Variants in TBC1D5 observed in about 807,000 individuals in gnomAD.
TBC1D5 encodes TBC1 domain family member 5, also known as TBC1 domain family, member 5.
TBC1D5 carries 75 observed loss-of-function variants against 100.3 expected under a neutral mutation model. The ratio of observed to expected loss-of-function variants is 0.75; its 90% CI spans 0.62 to 0.91. The LOEUF (loss-of-function observed/expected upper bound fraction) is 0.91, where lower values mean the gene tolerates loss of function less well. TBC1D5 is among the 40% of genes least tolerant of loss of function. The pLI, the probability that TBC1D5 is intolerant of heterozygous loss-of-function variation, is 0.00. For missense variants in TBC1D5, 910 were observed against 942.4 expected (o/e 0.97, Z 0.45); for synonymous variants, 323 against 325.6 (o/e 0.99, Z 0.09).
chr3:17,451,600 C>A (rs1172954414), intron 3 of TBC1D5, among the ~76,000 whole-genome samples: 1 of 152,102 alleles, frequency 6.6e-6, no homozygotes. Flanking sequence ...GTGGCAATTC[C>A]TCAAGGATCT....
At chr3:17,297,007 T>C (rs1233123889) in intron 14 of TBC1D5, among the ~76,000 whole-genome samples, 1 of 152,214 alleles carries the variant, frequency 6.6e-6, no homozygotes, top group Non-Finnish European at 1.5e-5. Flanking sequence ...ACATAAGAGA[T>C]CTTTACTCAG....
chr3:17,649,721 G>T (rs971199258), intron 1 of TBC1D5, among the ~76,000 whole-genome samples: 4 of 152,116 alleles, frequency 2.6e-5, no homozygotes, highest in Non-Finnish European at 4.4e-5. Flanking sequence ...CAACCATTGT[G>T]GAAGACAGTG....
At chr3:17,604,716 T>C (rs1282217655) in intron 2 of TBC1D5, among the ~76,000 whole-genome samples, 1 of 152,216 alleles carries the variant, frequency 6.6e-6, no homozygotes, top group Admixed American at 6.5e-5. Context: ...AGTCTGGCTG[T>C]GTTGCCCAGT....
At chr3:17,591,552 T>C (rs117797023) in intron 2 of TBC1D5, among the ~76,000 whole-genome samples, 2,529 of 152,232 alleles carry the variant, frequency 0.017, 52 homozygotes, top group South Asian at 0.048. Flanking sequence ...CAAAACTTCA[T>C]TGTGGTCCTC....
At chr3:17,201,985 T>C (rs1490349616) in intron 18 of TBC1D5, among the ~76,000 whole-genome samples, 1 of 152,206 alleles carries the variant, frequency 6.6e-6, no homozygotes, top group Non-Finnish European at 1.5e-5. Flanking sequence ...TGGAACTTGG[T>C]AACAGGCAGA....
chr3:17,469,131 G>T (rs1419356112), intron 3 of TBC1D5, among the ~76,000 whole-genome samples: 1 of 151,858 alleles, frequency 6.6e-6, no homozygotes, highest in Non-Finnish European at 1.5e-5. Flanking sequence ...TACTGATTTA[G>T]AAGGACTAGA....
At chr3:17,258,586 A>T in exon 16 of TBC1D5, 1 of 1,611,590 alleles carries the variant, frequency 6.2e-7, no homozygotes, top group Non-Finnish European at 8.5e-7. Context: ...CTGGTCTTGG[A>T]TTTCTCTAAA....
intron 3 of TBC1D5, among the ~76,000 whole-genome samples, chr3:17,471,564 A>G (rs1273311020): frequency 6.8e-6 from 1 of 147,486 alleles, no homozygotes; most frequent in Non-Finnish European, 1.5e-5. Flanking sequence ...CATTTTAAAA[A>G]ATCAAAATAG....
chr3:17,656,828 A>AAT (rs10579239), intron 1 of TBC1D5, among the ~76,000 whole-genome samples: 297 of 151,342 alleles, frequency 2.0e-3, no homozygotes, highest in African/African-American at 4.2e-3. Context: ...CATACAGATG[A>AAT]ATATATATAT....
intron 2 of TBC1D5, among the ~76,000 whole-genome samples, chr3:17,613,568 G>C (rs1253320683): frequency 1.3e-5 from 2 of 152,104 alleles, no homozygotes; most frequent in Non-Finnish European, 2.9e-5. Flanking sequence ...ACTTTTTAAT[G>C]ATCGCCATTC....
At chr3:17,305,037 T>C (rs1388417011) in intron 14 of TBC1D5, among the ~76,000 whole-genome samples, 1 of 152,224 alleles carries the variant, frequency 6.6e-6, no homozygotes, top group Non-Finnish European at 1.5e-5. Context: ...ACTGTACTTC[T>C]TAACTGTCTA....
At chr3:17,455,488 ATGTG>A (rs1576080308) in intron 3 of TBC1D5, among the ~76,000 whole-genome samples, 2 of 138,238 alleles carry the variant, frequency 1.4e-5, no homozygotes, top group Admixed American at 7.1e-5. Flanking sequence ...ATGTATATAT[ATGTG>A]TATATATATA....
intron 13 of TBC1D5, among the ~76,000 whole-genome samples, chr3:17,344,066 A>G (rs1229622863): frequency 6.6e-6 from 1 of 151,928 alleles, no homozygotes; most frequent in Non-Finnish European, 1.5e-5. Flanking sequence ...TTAGGGTGTC[A>G]ATTTTGGATC....
chr3:17,400,425 A>G (rs983042861), intron 8 of TBC1D5, among the ~76,000 whole-genome samples: 3 of 152,176 alleles, frequency 2.0e-5, no homozygotes, highest in Non-Finnish European at 1.5e-5. Flanking sequence ...TGGACTTAAA[A>G]TAAGACTAAC....
chr3:17,665,739 A>G (rs2067187918), intron 1 of TBC1D5, among the ~76,000 whole-genome samples: 1 of 152,168 alleles, frequency 6.6e-6, no homozygotes, highest in Non-Finnish European at 1.5e-5. Flanking sequence ...ACTGAACTGC[A>G]TTTGCCATCT....
chr3:17,447,577 T>C (rs747235119), intron 3 of TBC1D5, among the ~76,000 whole-genome samples: 2 of 152,260 alleles, frequency 1.3e-5, no homozygotes, highest in African/African-American at 2.4e-5. Context: ...ATTTCTATTT[T>C]CTTTATGGAA....
chr3:17,160,793 TG>T (rs1341089204), exon 22 of TBC1D5: 1 of 840,194 alleles, frequency 1.2e-6, no homozygotes, highest in East Asian at 2.7e-5. Flanking sequence ...CTGTGCTTTG[TG>T]GCCATATATG....
chr3:17,374,524 G>T, exon 12 of TBC1D5: 1 of 1,612,070 alleles, frequency 6.2e-7, no homozygotes, highest in Non-Finnish European at 8.5e-7. Flanking sequence ...GTTTCCATAA[G>T]TTGTGAGAAC....
intron 15 of TBC1D5, among the ~76,000 whole-genome samples, chr3:17,270,632 T>C (rs565474749): frequency 6.6e-6 from 1 of 152,308 alleles, no homozygotes; most frequent in South Asian, 2.1e-4. Flanking sequence ...TAATGAGTTC[T>C]CACTTGTCAG....
Sources: gnomAD v4.1 joint callset for allele counts (sites outside exome capture counted in the v4.1 genomes callset) on GRCh38, gnomAD v4.1.1 for gene constraint, MANE v1.5 for transcripts, NCBI Gene and HGNC (gene_info 2026-07-23, HGNC 2026-07-21) for gene names.